TMEM63B: variants seen among roughly 807,000 people sequenced by gnomAD.
TMEM63B encodes the protein mechanosensitive cation channel TMEM63B.
In TMEM63B, 23 loss-of-function variants were observed where a neutral mutation model predicts 102.6. The observed-to-expected ratio is 0.22, with a 90% CI of 0.16 to 0.32. The LOEUF is 0.32. TMEM63B is among the 10% of genes least tolerant of loss of function. The probability of loss-of-function intolerance (pLI) is 1.00; values close to 1 mark genes in which losing one functional copy is unlikely to be tolerated. For synonymous variants in TMEM63B, 444 were observed against 437.0 expected (o/e 1.02, Z -0.20); for missense variants, 628 against 1,095.9 (o/e 0.57, Z 6.03).
chr6:44,142,437 G>A (rs1448584446), intron 10 of TMEM63B, among the ~76,000 whole-genome samples: 3 of 152,140 alleles, frequency 2.0e-5, no homozygotes. Flanking sequence ...GGCTGAGGCA[G>A]AAGAATCGCT....
At chr6:44,130,446 C>CT (rs879386148) in intron 1 of TMEM63B, among the ~76,000 whole-genome samples, 45 of 145,240 alleles carry the variant, frequency 3.1e-4, no homozygotes, top group South Asian at 4.4e-4. Flanking sequence ...TTTTTCTTTC[C>CT]TTTTTTTTTT....
At chr6:44,133,502 AC>A (rs1236078551) in intron 1 of TMEM63B, among the ~76,000 whole-genome samples, 1 of 151,450 alleles carries the variant, frequency 6.6e-6, no homozygotes, top group Non-Finnish European at 1.5e-5. Flanking sequence ...TCCCCCAGGG[AC>A]CCCCCAGTAA....
intron 10 of TMEM63B, among the ~76,000 whole-genome samples, chr6:44,142,380 A>C (rs1764466643): frequency 6.7e-6 from 1 of 148,570 alleles, no homozygotes; most frequent in South Asian, 2.2e-4. Context: ...AAATACAAAA[A>C]TTAGCCAGGC....
chr6:44,138,269 T>G, intron 5 of TMEM63B: 1 of 580,064 alleles, frequency 1.7e-6, no homozygotes, highest in Non-Finnish European at 3.1e-6. Flanking sequence ...ACCTGTTTAG[T>G]GTTGGTCTTT....
rs565779397 is a variant in TMEM63B, at chr6:44,152,061, C to T, written c.1836+53C>T. On this transcript the variant is annotated intron_variant, in intron 19 of 23. Coordinates refer to ENST00000323267, the MANE Select transcript of TMEM63B (RefSeq NM_018426.3). The surrounding 1 kb of genome is among the most constrained non-coding windows in gnomAD (Gnocchi z 6.4). The stretch of plus-strand genomic sequence containing the variant: ...CGCACAGCGCCCCCTGGTGGCCCAA[C>T]AAGAAACAGCAGCCATCGCGCTAGG... 6.5e-7 allele frequency: 1 copy of T among 1,528,780 alleles called. No homozygotes were observed. Among genetic ancestry groups the T allele is most frequent in the African/African-American group, 1.4e-5 (1 of 71,390 alleles). 94.7% of individuals were successfully genotyped at this position (1,528,780 alleles called of 1,614,324 possible).
At position 44,131,754 on chromosome 6, in the gene TMEM63B, A is replaced by G. The variant is rs546005989; in HGVS notation, c.-24-2807A>G. Among the ~76,000 whole-genome samples the G allele has an allele frequency of 8.4e-5, 12 of 143,684 alleles. No individual in the cohort carries two copies. In the East Asian group the frequency reaches 2.5e-3, roughly 30 times the overall value. The allele number at this position is 143,684 out of a possible 152,430, so 94.3% of individuals were successfully genotyped here. On this transcript the variant is annotated intron_variant, in intron 1 of 23. Transcript: ENST00000323267. Reference sequence around the variant, plus strand: ...CAACAACCCCCCCAAAAAAAAGCTTATAAGTTATAGCTCTCCAACCCCCAC... The same window carrying G: ...CAACAACCCCCCCAAAAAAAAGCTTGTAAGTTATAGCTCTCCAACCCCCAC...
chr6:44,130,183 C>T (rs937058049), intron 1 of TMEM63B, among the ~76,000 whole-genome samples: 71 of 152,202 alleles, frequency 4.7e-4, no homozygotes, highest in Non-Finnish European at 1.6e-4. Flanking sequence ...GATAACTCTG[C>T]AAAGTGCAGT....
Position 44,148,850 on chromosome 6 carries a change from G to T in TMEM63B, c.1318G>T (p.Val440Phe), listed in dbSNP as rs775072250. The T allele has an allele frequency of 2.5e-6, 4 of 1,614,056 alleles. No homozygotes were observed. The highest frequency in any genetic ancestry group is 3.4e-6 in the Non-Finnish European group (4 of 1,180,014). ...GCTGCGCTGCCTGGTCATCAATGTC[G>T]TCCTCTTCATCCTCCTCTTCTTCCT... Reference protein sequence around the residue: ...WWLRCLVINVVLFILLFFLTT... With the variant: ...WWLRCLVINVFLFILLFFLTT... Residue 440 changes from valine (V) to phenylalanine (F), a missense_variant, in exon 15 of 24, where the codon GTC becomes TTC. Physicochemically the swap from Val to Phe is conservative, Grantham distance 50. This residue lies in a region of TMEM63B where 336 missense variants were observed against 580.3 expected (regional missense o/e 0.58). Coordinates refer to ENST00000323267, the MANE Select transcript of TMEM63B (RefSeq NM_018426.3). The surrounding 1 kb of genome is among the most constrained non-coding windows in gnomAD (Gnocchi z 5.1).
chr6:44,152,694 C>G lies in TMEM63B; in HGVS notation c.1938C>G (p.Pro646=), dbSNP rs1766989394. Residue 646 remains proline (P), a synonymous_variant, in exon 20 of 24, where the codon CCC becomes CCG. Coordinates refer to ENST00000323267, the MANE Select transcript of TMEM63B (RefSeq NM_018426.3). This position sits in a 1 kb window ranked among gnomAD's most constrained non-coding sequence, Gnocchi z 6.4. ...GTATCACCTGCCCCATCATCGTGCC[C>G]TTCGGTAGGCACCGCCGCGCCGGGA... ...TYSITCPIIV[P]FGLMYMLLKH... is the part of the protein sequence containing the mutation. 1 of 1,605,806 alleles carries G rather than the reference C, an allele frequency of 6.2e-7. No homozygotes were observed. The highest frequency in any genetic ancestry group is 8.5e-7 in the Non-Finnish European group (1 of 1,179,572).
rs774653718 is a variant in TMEM63B, at chr6:44,147,422, C to G, written c.909C>G (p.Ser303Arg). The change falls in exon 12 of 24, where the codon AGC becomes AGG. Residue 303 changes from serine (S) to arginine (R), a missense_variant. Coordinates refer to ENST00000323267, the MANE Select transcript of TMEM63B (RefSeq NM_018426.3). ...RGKLYFTNLQ[S>R]KENVPTMINP... ...AGCTGTACTTCACAAACCTCCAGAG[C>G]AAGGAGAACGTGCCTACCATGATCA... 8 of 1,614,168 alleles carry G rather than the reference C, an allele frequency of 5.0e-6. No homozygotes were observed. In the South Asian group the frequency reaches 5.5e-5, roughly 11 times the overall value.
chr6:44,154,678 C>A lies in TMEM63B; in HGVS notation c.2308-14C>A. On this transcript the variant is annotated splice_polypyrimidine_tract_variant and intron_variant, in intron 23 of 23. Coordinates refer to ENST00000323267, the MANE Select transcript of TMEM63B (RefSeq NM_018426.3). ...CAGCTGTTCACCTTGCCCCCATTTCCTCTCCTCCTTCAGAAATACATCGCT... is the reference window on the plus strand; with the variant it reads ...CAGCTGTTCACCTTGCCCCCATTTCATCTCCTCCTTCAGAAATACATCGCT... 1 of 1,378,238 alleles carries A rather than the reference C, an allele frequency of 7.3e-7. No homozygotes were observed. Among genetic ancestry groups the A allele is most frequent in the Admixed American group, 2.3e-5 (1 of 43,536 alleles). The allele number at this position is 1,378,238 out of a possible 1,614,324, so 85.4% of individuals were successfully genotyped here.
intron 11 of TMEM63B, 57 bp downstream of exon 11, chr6:44,146,984 A>G (rs552799771): frequency 1.3e-6 from 2 of 1,563,510 alleles, no homozygotes; most frequent in East Asian, 4.5e-5. Context: ...ATTGTGGAGG[A>G]CATCTTGGCT....
intron 5 of TMEM63B, among the ~76,000 whole-genome samples, chr6:44,137,888 C>CG (rs1283859222): frequency 6.6e-6 from 1 of 151,918 alleles, no homozygotes; most frequent in African/African-American, 2.4e-5. Context: ...TAGTAAGAGA[C>CG]GGGGTGTCAC....
chr6:44,138,370 T>G (rs1248543556), intron 5 of TMEM63B, 110 bp from the exon 6 acceptor site: 3 of 1,340,214 alleles, frequency 2.2e-6, no homozygotes, highest in Non-Finnish European at 3.2e-6. Context: ...TAGTGAGGGG[T>G]GTGGAAGCTA....
chr6:44,149,148 A>G, intron 15 of TMEM63B: 1 of 676,684 alleles, frequency 1.5e-6, no homozygotes, highest in Non-Finnish European at 2.5e-6. Context: ...TCAGGTGTGC[A>G]ACACCTGGAG....
intron 10 of TMEM63B, 100 bp from the exon 11 acceptor site, chr6:44,146,747 A>T: frequency 2.4e-6 from 3 of 1,228,890 alleles, no homozygotes; most frequent in Non-Finnish European, 3.6e-6. Flanking sequence ...CACCACGTCC[A>T]GCCAGAGATG....
rs1388181985 is a variant in TMEM63B, at chr6:44,150,270, A to G, written c.1567A>G (p.Ile523Val). 5 of 1,613,778 alleles carry G rather than the reference A, an allele frequency of 3.1e-6. No homozygotes were observed. The South Asian group carries it at 5.5e-5, about 18-fold the overall frequency. ...TTMHKCYTFL[I>V]FMVLLLPSLG... The stretch of plus-strand genomic sequence containing the variant: ...CATGCACAAGTGCTACACTTTCCTC[A>G]TCTTCATGGTGCTGCTCCTACCCTC... The change falls in exon 17 of 24, where the codon ATC becomes GTC. Residue 523 changes from isoleucine to valine, a missense_variant. Ile to Val is a conservative substitution (Grantham distance 29). This residue lies in a region of TMEM63B where 61 missense variants were observed against 176.0 expected (regional missense o/e 0.35). Coordinates refer to ENST00000323267, the MANE Select transcript of TMEM63B (RefSeq NM_018426.3). The surrounding 1 kb of genome is among the most constrained non-coding windows in gnomAD (Gnocchi z 4.7).
In TMEM63B at chr6:44,152,020, T is replaced by C. The variant is rs1766748935; in HGVS notation, c.1836+12T>C. On this transcript the variant is annotated intron_variant, in intron 19 of 23. Transcript: ENST00000323267. The surrounding 1 kb of genome is among the most constrained non-coding windows in gnomAD (Gnocchi z 6.4). ...GCAACGTGAAGCGGGTACGGCCGCC[T>C]GGGGCAGCAGCGGCCCGCACAGCGC... 13 of 1,594,094 alleles carry C rather than the reference T, an allele frequency of 8.2e-6. No homozygotes were observed. The highest frequency in any genetic ancestry group is 3.6e-5 in the Admixed American group (2 of 55,246).
At chr6:44,151,220 A>G (rs1766536579) in intron 18 of TMEM63B, among the ~76,000 whole-genome samples, 1 of 151,980 alleles carries the variant, frequency 6.6e-6, no homozygotes, top group Non-Finnish European at 1.5e-5. Flanking sequence ...TTTTATTCAG[A>G]GATGTAACTG....
Sources: allele counts gnomAD v4.1 joint callset (sites outside exome capture counted in the v4.1 genomes callset), GRCh38; gene constraint gnomAD v4.1.1; regional missense constraint gnomAD v4.1.1; non-coding constraint Gnocchi (gnomAD v3.1); transcripts MANE v1.5; gene names NCBI Gene and HGNC (gene_info 2026-07-23, HGNC 2026-07-21).